FRYL: variants seen among roughly 807,000 people sequenced by gnomAD.
FRYL encodes protein furry homolog-like.
FRYL carries 150 observed loss-of-function variants against 351.2 expected under a neutral mutation model. The observed-to-expected ratio is 0.43, with a 90% CI of 0.37 to 0.49. The LOEUF (loss-of-function observed/expected upper bound fraction) is 0.49, where lower values mean the gene tolerates loss of function less well. Ranked by LOEUF, FRYL falls within the 20% of genes least tolerant of loss-of-function variation. The probability of loss-of-function intolerance (pLI) is 0.00; values close to 1 mark genes in which losing one functional copy is unlikely to be tolerated. For synonymous variants in FRYL, 1,153 were observed against 1,257.1 expected, an observed-to-expected ratio of 0.92 and a Z score of 1.75; for missense variants, 3,036 against 3,619.3, an observed-to-expected ratio of 0.84 and a Z score of 4.13.
At chr4:48,541,103 C>T (rs1578020195) in intron 45 of FRYL, 143 bp from the exon 46 acceptor site, 1 of 756,984 alleles carries the variant, frequency 1.3e-6, no homozygotes, top group East Asian at 2.8e-5. Context: ...AATCAAATTT[C>T]AGTTTTCCCT....
At chr4:48,650,835 A>G (rs1424823914) in intron 3 of FRYL, among the ~76,000 whole-genome samples, 2 of 152,112 alleles carry the variant, frequency 1.3e-5, no homozygotes, top group Admixed American at 1.3e-4. Flanking sequence ...TGATGAAGAG[A>G]GGCCTGAACT....
At chr4:48,528,934 T>G (rs1726903180) in intron 50 of FRYL, among the ~76,000 whole-genome samples, 1 of 152,194 alleles carries the variant, frequency 6.6e-6, no homozygotes, top group Non-Finnish European at 1.5e-5. Context: ...GTTTTAAATT[T>G]GCATTTGAAA....
chr4:48,573,600 A>G (rs367633997), intron 25 of FRYL, among the ~76,000 whole-genome samples: 2 of 152,140 alleles, frequency 1.3e-5, no homozygotes, highest in South Asian at 2.1e-4. Context: ...CCCAGGCTGG[A>G]GTGCAATGGC....
At chr4:48,619,411 G>A (rs1399440147) in intron 6 of FRYL, 41 bp from the exon 7 acceptor site, 2 of 1,166,498 alleles carry the variant, frequency 1.7e-6, no homozygotes, top group African/African-American at 3.1e-5. Flanking sequence ...TTAAGATTAT[G>A]ACTTTAAAAA....
At chr4:48,619,221 C>T (rs775619983) in intron 7 of FRYL, 53 bp downstream of exon 7, 2 of 1,109,282 alleles carry the variant, frequency 1.8e-6, no homozygotes, top group African/African-American at 1.6e-5. Flanking sequence ...AACACGAAGG[C>T]ACAGTAAGCA....
At chr4:48,748,063 T>C (rs765173603) in intron 1 of FRYL, among the ~76,000 whole-genome samples, 20 of 152,042 alleles carry the variant, frequency 1.3e-4, no homozygotes, top group Non-Finnish European at 2.8e-4. Flanking sequence ...CTGGCCAACA[T>C]GGGGAAACCC....
chr4:48,615,392 A>T (rs183299228), intron 7 of FRYL, among the ~76,000 whole-genome samples: 13 of 152,356 alleles, frequency 8.5e-5, no homozygotes, highest in Admixed American at 4.6e-4. Flanking sequence ...ACTTCACAAT[A>T]ATATGAATAA....
At chr4:48,657,427 C>T (rs1457318161) in intron 3 of FRYL, among the ~76,000 whole-genome samples, 2 of 139,734 alleles carry the variant, frequency 1.4e-5, no homozygotes, top group Non-Finnish European at 3.0e-5. Context: ...TTTTAAATTA[C>T]GCAAAGAACG....
rs1729914490 is a variant in FRYL, at chr4:48,540,398, T to G, written c.6250A>C (p.Ile2084Leu). The G allele has an allele frequency of 1.9e-6, 3 of 1,613,770 alleles. No homozygotes were observed. The South Asian group carries it at 3.3e-5, about 18-fold the overall frequency. Residue 2084 changes from isoleucine (I) to leucine (L), a missense_variant, in exon 46 of 64, where the codon ATT becomes CTT. Around this residue, in one of 7 missense-constraint regions of FRYL, gnomAD observed 1,987 missense variants for 2,311.7 expected, o/e 0.86. Coordinates refer to ENST00000358350, the MANE Select transcript of FRYL (RefSeq NM_015030.2). ...ACCAATGTATGTTTGGAGACAGAAATGAGTTTACTGAGGAGGTGCACGGTC... is the reference window on the plus strand; with the variant it reads ...ACCAATGTATGTTTGGAGACAGAAAGGAGTTTACTGAGGAGGTGCACGGTC... Reference protein sequence around the residue: ...EMTVHLLSKLISVSKHTLVDP... With the variant: ...EMTVHLLSKLLSVSKHTLVDP...
At chr4:48,645,979 T>C (rs1334976660) in intron 3 of FRYL, 3 of 152,296 alleles carry the variant, frequency 2.0e-5, no homozygotes, top group African/African-American at 7.2e-5. Flanking sequence ...AAGGCTATGT[T>C]ACTGGAATCA....
chr4:48,561,851 C>T (rs1560609396), intron 32 of FRYL, among the ~76,000 whole-genome samples: 1 of 151,872 alleles, frequency 6.6e-6, no homozygotes, highest in Admixed American at 6.6e-5. Context: ...CTCATCTCTA[C>T]AAAAAAATTA....
chr4:48,501,943 T>C (rs1056314535), intron 61 of FRYL, among the ~76,000 whole-genome samples: 2 of 152,184 alleles, frequency 1.3e-5, no homozygotes, highest in Non-Finnish European at 2.9e-5. Context: ...CATAATTCAG[T>C]TTTAATGTTA....
intron 18 of FRYL, among the ~76,000 whole-genome samples, chr4:48,588,034 C>T (rs568439435): frequency 2.0e-5 from 3 of 152,194 alleles, no homozygotes; most frequent in Non-Finnish European, 4.4e-5. Flanking sequence ...ACTTTGCTTT[C>T]GCTCTTTGGT....
intron 1 of FRYL, among the ~76,000 whole-genome samples, chr4:48,772,128 T>C (rs1359119959): frequency 1.3e-5 from 2 of 152,248 alleles, no homozygotes; most frequent in African/African-American, 2.4e-5. Flanking sequence ...AAGGTATAAG[T>C]ATTAATAATG....
intron 57 of FRYL, 43 bp from the exon 58 acceptor site, chr4:48,511,027 A>C: frequency 6.8e-7 from 1 of 1,465,760 alleles, no homozygotes; most frequent in Non-Finnish European, 9.4e-7. Context: ...TTTCATAAGA[A>C]GGCCTTTTTT....
chr4:48,763,862 C>A (rs1293859813), intron 1 of FRYL, among the ~76,000 whole-genome samples: 1 of 152,088 alleles, frequency 6.6e-6, no homozygotes, highest in East Asian at 1.9e-4. Flanking sequence ...TCCACAAAAA[C>A]CAATTAAACT....
At chr4:48,667,039 T>C (rs1166702883) in intron 3 of FRYL, among the ~76,000 whole-genome samples, 1 of 152,244 alleles carries the variant, frequency 6.6e-6, no homozygotes, top group Non-Finnish European at 1.5e-5. Flanking sequence ...CTCATCCTGA[T>C]TGCCATCTTT....
intron 1 of FRYL, among the ~76,000 whole-genome samples, chr4:48,741,894 G>A (rs1016511350): frequency 6.6e-6 from 1 of 152,106 alleles, no homozygotes; most frequent in Non-Finnish European, 1.5e-5. Context: ...TGGAGCACAG[G>A]GAATTTTTAA....
At chr4:48,548,648 T>G in intron 40 of FRYL, 42 bp downstream of exon 40, 1 of 1,093,912 alleles carries the variant, frequency 9.1e-7, no homozygotes, top group Non-Finnish European at 1.4e-6. Context: ...TAAATTATCA[T>G]AAAAATATAA....
Sources: allele counts gnomAD v4.1 joint callset (sites outside exome capture counted in the v4.1 genomes callset), GRCh38; gene constraint gnomAD v4.1.1; regional missense constraint gnomAD v4.1.1; transcripts MANE v1.5; gene names NCBI Gene and HGNC (gene_info 2026-07-23, HGNC 2026-07-21).